ATP1A3: variants seen among roughly 807,000 people sequenced by gnomAD.
The protein encoded by ATP1A3 is ATPase Na+/K+ transporting subunit alpha 3, also known as sodium/potassium-transporting ATPase subunit alpha-3.
In ATP1A3, 12 loss-of-function variants were observed where a neutral mutation model predicts 108.8. The ratio of observed to expected loss-of-function variants is 0.11; its 90% CI spans 0.07 to 0.18. ATP1A3 has a LOEUF of 0.18. ATP1A3 is among the 10% of genes least tolerant of loss of function. ATP1A3 has a pLI of 1.00. For missense variants in ATP1A3, 498 were observed against 1,387.7 expected (o/e 0.36, Z 10.19); for synonymous variants, 539 against 564.5 (o/e 0.95, Z 0.64).
intron 16 of ATP1A3, among the ~76,000 whole-genome samples, chr19:41,970,992 TCTCA>T (rs1555859801): frequency 6.6e-6 from 1 of 151,134 alleles, no homozygotes; most frequent in African/African-American, 2.4e-5. Context: ...TGGGACAGGG[TCTCA>T]CTCTGTTGCC....
Position 41,994,139 on chromosome 19 carries a change from C to T in ATP1A3, c.-63G>A. 3 of 1,515,086 alleles carry T rather than the reference C, an allele frequency of 2.0e-6. No individual in the cohort carries two copies. The highest frequency in any genetic ancestry group is 2.7e-6 in the Non-Finnish European group (3 of 1,130,080). 93.9% of individuals were successfully genotyped at this position (1,515,086 alleles called of 1,614,324 possible). On this transcript the variant is annotated 5_prime_UTR_variant, in exon 1 of 23. Transcript: ENST00000648268. ...GCGGGGACCTCGGGGCGGGCTCAGG[C>T]TCAGGCTTGGGCTGGGAGCCTCTGC...
At position 41,986,214 on chromosome 19, in the gene ATP1A3, C is replaced by G; in HGVS notation, c.373G>C (p.Val125Leu). 6.2e-7 allele frequency: 1 copy of G among 1,613,998 alleles called. No individual in the cohort carries two copies. Among genetic ancestry groups the G allele is most frequent in the Middle Eastern group, 1.6e-4 (1 of 6,062 alleles). The change falls in exon 5 of 23, where the codon GTG becomes CTG. Residue 125 changes from valine to leucine, a missense_variant. Physicochemically the swap from Val to Leu is conservative, Grantham distance 32. This residue lies in a region of ATP1A3 where 127 missense variants were observed against 464.0 expected (regional missense o/e 0.27). Coordinates refer to ENST00000648268, the MANE Select transcript of ATP1A3 (RefSeq NM_152296.5). ...GTGATGATCACCACGGCCGCCAGCA[C>G]GATGCCCAGGTACAGCTGTGGGGAG... ...PSGDNLYLGIVLAAVVIITGC... is the reference protein window; with the variant it reads ...PSGDNLYLGILLAAVVIITGC...
chr19:41,988,052 T>G lies in ATP1A3; in HGVS notation c.241A>C (p.Lys81Gln). ...TPPPTTPEWVKFCRQLFGGFS... is the reference protein window; with the variant it reads ...TPPPTTPEWVQFCRQLFGGFS... ...CCCCCGAAGAGCTGCCGGCAAAACT[T>G]GACCCACTCTGGGGTGGTAGGCGGT... is the stretch of plus-strand genomic sequence containing the variant. The change falls in exon 4 of 23, where the codon AAG becomes CAG. Residue 81 changes from lysine (K) to glutamine (Q), a missense_variant. This residue lies in a region of ATP1A3 where 127 missense variants were observed against 464.0 expected (regional missense o/e 0.27). Transcript: ENST00000648268. This position sits in a 1 kb window ranked among gnomAD's most constrained non-coding sequence, Gnocchi z 5.3. 1 of 1,614,106 alleles carries G rather than the reference T, an allele frequency of 6.2e-7. No homozygotes were observed. Among genetic ancestry groups the G allele is most frequent in the Non-Finnish European group, 8.5e-7 (1 of 1,180,014 alleles).
chr19:41,990,083 C>T lies in ATP1A3; in HGVS notation c.7-1521G>A, dbSNP rs1228112157. 2.0e-5 allele frequency among the ~76,000 whole-genome samples: 3 copies of T among 152,126 alleles called. No individual in the cohort carries two copies. In the South Asian group the frequency reaches 6.2e-4, roughly 32 times the overall value. On this transcript the variant is annotated intron_variant, in intron 1 of 22. Coordinates refer to ENST00000648268, the MANE Select transcript of ATP1A3 (RefSeq NM_152296.5). Reference sequence around the variant, plus strand: ...CAGTACTTTCTGTCTCTGTCTTTTTCCGTCTTTCGGTCTGTCTCTCTCTGT... The same window carrying T: ...CAGTACTTTCTGTCTCTGTCTTTTTTCGTCTTTCGGTCTGTCTCTCTCTGT...
chr19:41,992,954 C>G (rs1555867888), intron 1 of ATP1A3: 1 of 176,468 alleles, frequency 5.7e-6, no homozygotes, highest in African/African-American at 2.4e-5. Flanking sequence ...CTACCCCTTT[C>G]TCCCTTCTCT....
intron 8 of ATP1A3, among the ~76,000 whole-genome samples, chr19:41,983,814 G>A (rs1453048859): frequency 5.9e-5 from 7 of 119,504 alleles, no homozygotes; most frequent in Admixed American, 3.4e-4. Context: ...CGCTTTTGTC[G>A]CCCAGGCTGG....
At chr19:41,990,988 T>C (rs1438314071) in intron 1 of ATP1A3, 1 of 152,354 alleles carries the variant, frequency 6.6e-6, no homozygotes. Context: ...AGGCTGGGCA[T>C]GGCCAGGTTC....
Position 41,978,897 on chromosome 19 carries a change from A to G in ATP1A3, c.1438-99T>C. 8.1e-7 allele frequency: 1 copy of G among 1,229,778 alleles called. No homozygotes were observed. 76.2% of individuals were successfully genotyped at this position (1,229,778 alleles called of 1,614,324 possible). A position where few individuals can be genotyped will look rare whatever the true frequency, so the allele number is the denominator to read the frequency against. The stretch of plus-strand genomic sequence containing the variant: ...TGTCCAGAGCCACGGGTGCCAGGAT[A>G]GGCCCACACCAGGGCTCCCCCACAC... On this transcript the variant is annotated intron_variant, in intron 11 of 22. Transcript: ENST00000648268. The surrounding 1 kb of genome is among the most constrained non-coding windows in gnomAD (Gnocchi z 8.3).
chr19:41,980,506 C>T (rs574313018), intron 11 of ATP1A3, among the ~76,000 whole-genome samples: 28 of 152,176 alleles, frequency 1.8e-4, no homozygotes, highest in Non-Finnish European at 3.5e-4. Context: ...TCCAGCTACT[C>T]GGGAGGCTGA....
rs782023293 is a variant in ATP1A3, at chr19:41,967,239, G to C, written c.3013+10C>G. On this transcript the variant is annotated intron_variant, in intron 22 of 22. Transcript: ENST00000648268. This position sits in a 1 kb window ranked among gnomAD's most constrained non-coding sequence, Gnocchi z 4.2. Reference sequence around the variant, plus strand: ...CCGCCCCCCTCGGCTGCCTTGCCGAGCTCCCTCACCCCCTGGGTTCCTGCG... The same window carrying C: ...CCGCCCCCCTCGGCTGCCTTGCCGACCTCCCTCACCCCCTGGGTTCCTGCG... The C allele has an allele frequency of 1.2e-6, 2 of 1,613,924 alleles. No homozygotes were observed. Among genetic ancestry groups the C allele is most frequent in the African/African-American group, 2.7e-5 (2 of 74,912 alleles).
chr19:41,967,554 G>T lies in ATP1A3; in HGVS notation c.2921+108C>A. Reference sequence around the variant, plus strand: ...GCTCGGGGGCATCAGAATGGGGACTGCAGTGGGGACACCAGGGGAGGTGGG... The same window carrying T: ...GCTCGGGGGCATCAGAATGGGGACTTCAGTGGGGACACCAGGGGAGGTGGG... On this transcript the variant is annotated intron_variant, in intron 21 of 22. Transcript: ENST00000648268. The surrounding 1 kb of genome is among the most constrained non-coding windows in gnomAD (Gnocchi z 4.2). 7.9e-7 allele frequency: 1 copy of T among 1,266,088 alleles called. No individual in the cohort carries two copies. Among genetic ancestry groups the T allele is most frequent in the Non-Finnish European group, 1.1e-6 (1 of 892,666 alleles). The allele number at this position is 1,266,088 out of a possible 1,614,324, so 78.4% of individuals were successfully genotyped here.
intron 16 of ATP1A3, among the ~76,000 whole-genome samples, chr19:41,972,280 A>G (rs1221760746): frequency 6.6e-6 from 1 of 151,924 alleles, no homozygotes; most frequent in Non-Finnish European, 1.5e-5. Flanking sequence ...AATAAACATT[A>G]GTCAGGCACG....
Position 41,988,004 on chromosome 19 carries a change from C to T in ATP1A3, c.289G>A (p.Gly97Arg). The change falls in exon 4 of 23, where the codon GGG (glycine) becomes AGG (arginine). Residue 97 changes from glycine (G) to arginine (R), a missense_variant. Physicochemically the swap from Gly to Arg is moderately radical, Grantham distance 125 (BLOSUM62 -2). This residue lies in a region of ATP1A3 where 127 missense variants were observed against 464.0 expected (regional missense o/e 0.27). Transcript: ENST00000648268. This position sits in a 1 kb window ranked among gnomAD's most constrained non-coding sequence, Gnocchi z 5.3. ...TAGGCCAGGAAGCAGAGGATAGCCC[C>T]GATCCACAGCAGGATGGAGAAGCCC... ...FGGFSILLWI[G>R]AILCFLAYGI... 3 of 1,614,106 alleles carry T rather than the reference C, an allele frequency of 1.9e-6. No homozygotes were observed. The highest frequency in any genetic ancestry group is 2.5e-6 in the Non-Finnish European group (3 of 1,180,026).
At chr19:41,984,656 TTTGA>T (rs1287066684) in intron 8 of ATP1A3, 35 of 461,252 alleles carry the variant, frequency 7.6e-5, no homozygotes, top group African/African-American at 3.5e-4. Flanking sequence ...TGTTTCTTTC[TTTGA>T]TTGTTTGCTT....
intron 16 of ATP1A3, among the ~76,000 whole-genome samples, chr19:41,974,828 G>A (rs943599272): frequency 6.6e-6 from 1 of 152,258 alleles, no homozygotes; most frequent in Admixed American, 6.5e-5. Context: ...GGTGCCTGTC[G>A]GCTCAGCAGC....
intron 14 of ATP1A3, among the ~76,000 whole-genome samples, chr19:41,977,088 G>T (rs967492452): frequency 1.3e-5 from 2 of 151,690 alleles, no homozygotes; most frequent in Non-Finnish European, 2.9e-5. Context: ...GATTACAGGC[G>T]TGAGCCACTG....
chr19:41,976,400 C>T lies in ATP1A3; in HGVS notation c.2094+16G>A, dbSNP rs199598023. 30 of 1,613,984 alleles carry T rather than the reference C, an allele frequency of 1.9e-5. No homozygotes were observed. In the East Asian group the frequency reaches 2.7e-4, roughly 14 times the overall value. ...AGTCAAGGCCCCGTCCCCTCCTCTG[C>T]GGGAGCGCAGCCCACCTGTCTCTGA... On this transcript the variant is annotated intron_variant, in intron 15 of 22. Transcript: ENST00000648268.
chr19:41,981,388 G>A lies in ATP1A3; in HGVS notation c.1437+114C>T, dbSNP rs988372495. Reference sequence around the variant, plus strand: ...CTCCCTGTTCCTCTCCCCACCAGGCGGGTATTATCATTCCCATTTTACAGA... The same window carrying A: ...CTCCCTGTTCCTCTCCCCACCAGGCAGGTATTATCATTCCCATTTTACAGA... On this transcript the variant is annotated intron_variant, in intron 11 of 22. Transcript: ENST00000648268. This position sits in a 1 kb window ranked among gnomAD's most constrained non-coding sequence, Gnocchi z 5.0. 9.9e-6 allele frequency: 15 copies of A among 1,513,784 alleles called. No homozygotes were observed. Among genetic ancestry groups the A allele is most frequent in the Middle Eastern group, 1.7e-4 (1 of 5,840 alleles). The allele number at this position is 1,513,784 out of a possible 1,614,324, so 93.8% of individuals were successfully genotyped here.
At position 41,968,707 on chromosome 19, in the gene ATP1A3, C is replaced by G. The variant is rs1320578601; in HGVS notation, c.2819+78G>C. The G allele has an allele frequency of 6.2e-7, 1 of 1,602,610 alleles. No homozygotes were observed. Among genetic ancestry groups the G allele is most frequent in the Admixed American group, 1.7e-5 (1 of 59,580 alleles). ...ACAACAAAAAACCAAAGCAAGGACA[C>G]AAGAGGAAGTACACAGACAGACAGA... On this transcript the variant is annotated intron_variant, in intron 20 of 22. Transcript: ENST00000648268. This position sits in a 1 kb window ranked among gnomAD's most constrained non-coding sequence, Gnocchi z 5.0.
Sources: gnomAD v4.1 joint callset for allele counts (sites outside exome capture counted in the v4.1 genomes callset) on GRCh38, gnomAD v4.1.1 for gene constraint, gnomAD v4.1.1 regional missense constraint, Gnocchi (gnomAD v3.1) non-coding constraint, MANE v1.5 for transcripts, NCBI Gene and HGNC (gene_info 2026-07-23, HGNC 2026-07-21) for gene names.